VPS13B: variants seen among roughly 807,000 people sequenced by gnomAD.
The protein encoded by VPS13B is intermembrane lipid transfer protein VPS13B.
In VPS13B, 285 loss-of-function variants were observed where a neutral mutation model predicts 426.4. The observed-to-expected ratio is 0.67, with a 90% CI of 0.61 to 0.74. The LOEUF is 0.74. Ranked by LOEUF, VPS13B falls within the 30% of genes least tolerant of loss-of-function variation. VPS13B has a pLI of 0.00. For missense variants in VPS13B, 4,537 were observed against 4,782.6 expected, an observed-to-expected ratio of 0.95 and a Z score of 1.51; for synonymous variants, 1,676 against 1,676.4, an observed-to-expected ratio of 1.00 and a Z score of 0.01.
chr8:99,697,951 G>T, intron 35 of VPS13B: 1 of 413,902 alleles, frequency 2.4e-6, no homozygotes, highest in South Asian at 2.0e-5. Context: ...AGATTGTAGC[G>T]ACCTTGGAGA....
rs1021422161 is a variant in VPS13B, at chr8:99,147,946, G to C, written c.1949G>C (p.Cys650Ser). The C allele has an allele frequency of 1.9e-6, 3 of 1,613,518 alleles. No homozygotes were observed. The highest frequency in any genetic ancestry group is 2.5e-6 in the Non-Finnish European group (3 of 1,179,838). Residue 650 changes from cysteine to serine, a missense_variant, in exon 14 of 62, where the codon TGC becomes TCC. Coordinates refer to ENST00000357162, the MANE Select transcript of VPS13B (RefSeq NM_152564.5). ...AGTGTTACTCTCCTCAAATGTACCT[G>C]CACAATTTCCATGGCTGAATTCAAC... ...HTSVTLLKCTCTISMAEFNLL... is the reference protein window; with the variant it reads ...HTSVTLLKCTSTISMAEFNLL...
chr8:99,033,627 C>G (rs576912307), intron 2 of VPS13B, among the ~76,000 whole-genome samples: 47 of 152,128 alleles, frequency 3.1e-4, no homozygotes, highest in African/African-American at 1.1e-3. Flanking sequence ...TGCGGTGGCT[C>G]ACACCTGTCT....
chr8:99,625,544 T>G (rs997446786), intron 33 of VPS13B, among the ~76,000 whole-genome samples: 4 of 150,658 alleles, frequency 2.7e-5, no homozygotes, highest in Admixed American at 2.6e-4. Context: ...GAGAACCTGT[T>G]TCCTATATGT....
chr8:99,377,708 T>C (rs556189947), intron 19 of VPS13B, among the ~76,000 whole-genome samples: 1 of 151,420 alleles, frequency 6.6e-6, no homozygotes, highest in Non-Finnish European at 1.5e-5. Context: ...AAGAGAGAAA[T>C]ATTAAAGCTG....
rs1163658189 is a variant in VPS13B at position 99,225,298 on chromosome 8, G to A, written c.2515+32241G>A. Among the ~76,000 whole-genome samples, 7 of 148,896 alleles carry A rather than the reference G, an allele frequency of 4.7e-5. No homozygotes were observed. In the South Asian group the frequency reaches 1.5e-3, roughly 32 times the overall value. ...TTCTTTTCTTTTTTTTTTGTTTTTT[G>A]AGATGGAGTTTCCCTCTGTCGCCCA... On this transcript the variant is annotated intron_variant, in intron 17 of 61. Transcript: ENST00000357162.
chr8:99,825,738 A>G (rs970483063), intron 51 of VPS13B, among the ~76,000 whole-genome samples: 13 of 152,160 alleles, frequency 8.5e-5, no homozygotes, highest in African/African-American at 3.1e-4. Context: ...TCTTCAGTTA[A>G]TTTTTGTATA....
At chr8:99,516,233 G>A (rs946602465) in intron 29 of VPS13B, among the ~76,000 whole-genome samples, 52 of 151,996 alleles carry the variant, frequency 3.4e-4, no homozygotes, top group Middle Eastern at 3.4e-3. Context: ...TTTTTATTGA[G>A]GTAAAATTCA....
intron 56 of VPS13B, among the ~76,000 whole-genome samples, chr8:99,855,394 T>C (rs1437518480): frequency 3.9e-5 from 6 of 152,094 alleles, no homozygotes; most frequent in South Asian, 4.2e-4. Context: ...AAAATAAGAT[T>C]GAGTGGTGGG....
chr8:99,238,188 A>G (rs1816739376), intron 17 of VPS13B, among the ~76,000 whole-genome samples: 1 of 152,038 alleles, frequency 6.6e-6, no homozygotes, highest in South Asian at 2.1e-4. Flanking sequence ...TTCCACTGTC[A>G]TAGTACTTAT....
At chr8:99,686,971 G>C (rs1831437326) in intron 35 of VPS13B, among the ~76,000 whole-genome samples, 2 of 152,122 alleles carry the variant, frequency 1.3e-5, no homozygotes, top group Admixed American at 1.3e-4. Flanking sequence ...CTGGGTCACA[G>C]CTCAAACCAG....
At chr8:99,138,777 A>G (rs540221686) in intron 12 of VPS13B, among the ~76,000 whole-genome samples, 2 of 152,334 alleles carry the variant, frequency 1.3e-5, no homozygotes, top group African/African-American at 2.4e-5. Context: ...TGTAGTTGCC[A>G]CTTGTAAACT....
chr8:99,329,967 G>C lies in VPS13B; in HGVS notation c.2825-54241G>C, dbSNP rs530919432. On this transcript the variant is annotated intron_variant, in intron 19 of 61. Coordinates refer to ENST00000357162, the MANE Select transcript of VPS13B (RefSeq NM_152564.5). ...CCCACTAGATACCAGTGGCACCCTT[G>C]GTTTGTTTCCAGACAGTGCTATATT... Among the ~76,000 whole-genome samples the C allele has an allele frequency of 2.0e-5, 3 of 151,908 alleles. No individual in the cohort carries two copies. In the East Asian group the frequency reaches 5.8e-4, roughly 29 times the overall value.
chr8:99,088,746 T>C (rs1845980235), intron 3 of VPS13B, among the ~76,000 whole-genome samples: 1 of 152,234 alleles, frequency 6.6e-6, no homozygotes, highest in Non-Finnish European at 1.5e-5. Flanking sequence ...GTTTAATATA[T>C]AGAATAAAGT....
intron 2 of VPS13B, among the ~76,000 whole-genome samples, chr8:99,029,961 A>G (rs942824722): frequency 2.0e-5 from 3 of 152,190 alleles, no homozygotes; most frequent in Admixed American, 2.0e-4. Context: ...CAGTTTGACT[A>G]TAATGTATCC....
intron 39 of VPS13B, among the ~76,000 whole-genome samples, chr8:99,757,802 A>C (rs1275241052): frequency 1.3e-5 from 2 of 152,230 alleles, no homozygotes; most frequent in Admixed American, 6.5e-5. Flanking sequence ...ATATGCTTAG[A>C]GTACAGTTTA....
chr8:99,247,188 T>TA (rs1817270912), intron 17 of VPS13B, among the ~76,000 whole-genome samples: 1 of 152,126 alleles, frequency 6.6e-6, no homozygotes, highest in South Asian at 2.1e-4. Context: ...ATTTTTTTTT[T>TA]AACTCCTTCT....
chr8:99,567,936 T>A (rs942298293), intron 31 of VPS13B, among the ~76,000 whole-genome samples: 1 of 151,916 alleles, frequency 6.6e-6, no homozygotes, highest in Non-Finnish European at 1.5e-5. Context: ...ATAATAAGAG[T>A]AATTGGGAAA....
intron 31 of VPS13B, among the ~76,000 whole-genome samples, chr8:99,575,415 C>T (rs936172268): frequency 6.6e-6 from 1 of 151,928 alleles, no homozygotes; most frequent in Non-Finnish European, 1.5e-5. Flanking sequence ...TTAAAAAGTC[C>T]TGGGATGATA....
intron 58 of VPS13B, 182 bp from the exon 59 acceptor site, chr8:99,868,107 G>A (rs1817196440): frequency 7.3e-6 from 5 of 685,460 alleles, no homozygotes; most frequent in South Asian, 3.6e-5. Context: ...TTTTGATGAC[G>A]ATAATAAATG....
Sources: allele counts gnomAD v4.1 joint callset (sites outside exome capture counted in the v4.1 genomes callset), GRCh38; gene constraint gnomAD v4.1.1; transcripts MANE v1.5; gene names NCBI Gene and HGNC (gene_info 2026-07-23, HGNC 2026-07-21).